The following FAT4 variants were observed in gnomAD, a reference collection of about 807,000 sequenced individuals.
The protein encoded by FAT4 is protocadherin Fat 4.
A neutral mutation model predicts 303.9 loss-of-function variants in FAT4; 84 were observed. The observed-to-expected ratio is 0.28, with a 90% CI of 0.23 to 0.33. FAT4 has a LOEUF of 0.33. Among genes scored for constraint, FAT4 ranks in the 10% least tolerant of loss-of-function variants. The pLI, the probability that FAT4 is intolerant of heterozygous loss-of-function variation, is 1.00. For missense variants in FAT4, 6,005 were observed against 6,146.8 expected, an observed-to-expected ratio of 0.98 and a Z score of 0.77; for synonymous variants, 2,307 against 2,298.8, an observed-to-expected ratio of 1.00 and a Z score of -0.10.
chr4:125,381,624 G>A lies in FAT4; in HGVS notation c.5176-17160G>A, dbSNP rs1314575552. ...TGCTGGTGGAGGATCCTACCTTAAT[G>A]TTGATGGCTGCTGACTGATCAGGGT... is the stretch of plus-strand genomic sequence containing the variant. On this transcript the variant is annotated intron_variant, in intron 2 of 17. Coordinates refer to ENST00000394329, the MANE Select transcript of FAT4 (RefSeq NM_001291303.3). 2.6e-5 allele frequency among the ~76,000 whole-genome samples: 4 copies of A among 152,188 alleles called. No individual in the cohort carries two copies. In the East Asian group the frequency reaches 7.7e-4, roughly 29 times the overall value.
intron 2 of FAT4, among the ~76,000 whole-genome samples, chr4:125,377,752 G>A (rs1331613276): frequency 3.3e-5 from 5 of 151,890 alleles, no homozygotes; most frequent in Admixed American, 1.3e-4. Flanking sequence ...AAAAACCTTG[G>A]CAAACTCTCA....
Position 125,398,820 on chromosome 4 carries a change from C to T in FAT4, c.5212C>T (p.Pro1738Ser). The T allele has an allele frequency of 1.2e-6, 2 of 1,613,180 alleles. No individual in the cohort carries two copies. The highest frequency in any genetic ancestry group is 1.1e-5 in the South Asian group (1 of 91,056). ...ITLQDINDNP[P>S]VFPTDMLDLT... ...ACTTCAGGATATCAATGACAATCCA[C>T]CAGTATTTCCAACGGACATGCTGGA... The change falls in exon 3 of 18, where the codon CCA becomes TCA. Residue 1738 changes from proline (P) to serine (S), a missense_variant. Coordinates refer to ENST00000394329, the MANE Select transcript of FAT4 (RefSeq NM_001291303.3).
intron 2 of FAT4, among the ~76,000 whole-genome samples, chr4:125,347,992 A>G (rs572937938): frequency 6.6e-6 from 1 of 151,910 alleles, no homozygotes; most frequent in Non-Finnish European, 1.5e-5. Context: ...CTCCAGACAC[A>G]ATTTAAATGA....
intron 10 of FAT4, among the ~76,000 whole-genome samples, chr4:125,459,776 C>A (rs143389367): frequency 2.6e-5 from 4 of 152,110 alleles, no homozygotes; most frequent in African/African-American, 9.6e-5. Flanking sequence ...AGTTAATGAT[C>A]CAAGATTTTG....
At chr4:125,459,801 A>G (rs1315068346) in intron 10 of FAT4, among the ~76,000 whole-genome samples, 1 of 152,102 alleles carries the variant, frequency 6.6e-6, no homozygotes, top group Non-Finnish European at 1.5e-5. Context: ...ACAGTGCTTC[A>G]ACACATCAGA....
chr4:125,434,568 T>A, intron 8 of FAT4, 143 bp downstream of exon 8: 2 of 611,072 alleles, frequency 3.3e-6, no homozygotes, highest in Middle Eastern at 4.2e-4. Context: ...TAGCCAACAA[T>A]TCATTAAATG....
chr4:125,423,126 G>A (rs1367545520), intron 7 of FAT4, among the ~76,000 whole-genome samples: 1 of 152,172 alleles, frequency 6.6e-6, no homozygotes, highest in Admixed American at 6.5e-5. Context: ...GCCTGAGATT[G>A]CAATATAAAA....
At chr4:125,409,703 CTTTAT>C (rs1354231928) in intron 5 of FAT4, among the ~76,000 whole-genome samples, 1 of 152,186 alleles carries the variant, frequency 6.6e-6, no homozygotes, top group Non-Finnish European at 1.5e-5. Context: ...AATTGGCAAA[CTTTAT>C]TTTAATAGCT....
At chr4:125,362,314 G>A (rs1732707261) in intron 2 of FAT4, among the ~76,000 whole-genome samples, 2 of 152,078 alleles carry the variant, frequency 1.3e-5, no homozygotes, top group African/African-American at 2.4e-5. Flanking sequence ...TAGATTGAGG[G>A]CAAGCATCAT....
rs1390786120 is a variant in FAT4, at chr4:125,476,324, AAAT to A, written c.12299+72_12299+74del. 12 of 788,484 alleles carry A rather than the reference AAAT, an allele frequency of 1.5e-5. No individual in the cohort carries two copies. The East Asian group carries it at 3.3e-4, about 21-fold the overall frequency. 48.8% of individuals were successfully genotyped at this position (788,484 alleles called of 1,614,324 possible). A position where few individuals can be genotyped will look rare whatever the true frequency, so the allele number is the denominator to read the frequency against. On this transcript the variant is annotated intron_variant, in intron 13 of 17. Transcript: ENST00000394329. ...TTTTTAAAATAAACTTTATACCTAAAAATAATTATAGGATGCTAAGTAGTACAT... is the reference window on the plus strand; with the variant it reads ...TTTTTAAAATAAACTTTATACCTAAAAATTATAGGATGCTAAGTAGTACAT...
intron 8 of FAT4, among the ~76,000 whole-genome samples, chr4:125,444,042 A>C (rs1725746793): frequency 6.6e-6 from 1 of 152,172 alleles, no homozygotes; most frequent in African/African-American, 2.4e-5. Context: ...CTATTTGCTC[A>C]TTCATTTTAA....
At chr4:125,346,505 T>G (rs1732009966) in intron 2 of FAT4, among the ~76,000 whole-genome samples, 1 of 151,898 alleles carries the variant, frequency 6.6e-6, no homozygotes, top group Non-Finnish European at 1.5e-5. Context: ...ATCATAAATT[T>G]CTTAGAGATA....
rs369291378 is a variant in FAT4 at position 125,466,182 on chromosome 4, C to T, written c.11906-2330C>T. On this transcript the variant is annotated intron_variant, in intron 11 of 17. Transcript: ENST00000394329. The stretch of plus-strand genomic sequence containing the variant: ...CATAGTGCTTCAGACATTATAAAGG[C>T]GACATGTATAATTATAACTTCTTAG... Among the ~76,000 whole-genome samples the T allele has an allele frequency of 1.3e-4, 20 of 152,132 alleles. No homozygotes were observed. The East Asian group carries it at 3.1e-3, about 24-fold the overall frequency.
rs75011900 is a variant in FAT4, at chr4:125,477,410, G to T, written c.12479+76G>T. The stretch of plus-strand genomic sequence containing the variant: ...TATGCTTCAGTGAGCATCAAAAGAT[G>T]AAATTATTATGCTCAAATCTCTAAA... On this transcript the variant is annotated intron_variant, in intron 14 of 17. Transcript: ENST00000394329. The T allele has an allele frequency of 4.7e-3, 5,811 of 1,246,922 alleles. 230 individuals are homozygous for T. In the African/African-American group the frequency reaches 0.081, roughly 17 times the overall value. 77.2% of individuals were successfully genotyped at this position (1,246,922 alleles called of 1,614,324 possible).
At chr4:125,458,859 A>G (rs1726385106) in intron 10 of FAT4, among the ~76,000 whole-genome samples, 1 of 151,982 alleles carries the variant, frequency 6.6e-6, no homozygotes, top group Non-Finnish European at 1.5e-5. Context: ...TTCAATGCAA[A>G]AAAGCCATAA....
Position 125,451,366 on chromosome 4 carries a change from T to C in FAT4, c.10356T>C (p.Asn3452=). ...FSYFIGSGNE[N]GAFSINPQTG... ...ACTTCATCGGATCAGGGAATGAAAA[T>C]GGTGCCTTTTCTATTAATCCGCAGA... The change falls in exon 10 of 18, where the codon AAT becomes AAC. Residue 3452 remains asparagine (N), a synonymous_variant. Coordinates refer to ENST00000394329, the MANE Select transcript of FAT4 (RefSeq NM_001291303.3). The C allele has an allele frequency of 6.2e-7, 1 of 1,614,048 alleles. No individual in the cohort carries two copies. Among genetic ancestry groups the C allele is most frequent in the Non-Finnish European group, 8.5e-7 (1 of 1,180,002 alleles).
chr4:125,414,142 T>A (rs1394867703), intron 5 of FAT4, among the ~76,000 whole-genome samples: 3 of 152,036 alleles, frequency 2.0e-5, no homozygotes, highest in African/African-American at 7.2e-5. Flanking sequence ...TAAGATGATG[T>A]ATATGCTCCA....
chr4:125,356,600 T>C (rs1398223889), intron 2 of FAT4, among the ~76,000 whole-genome samples: 5 of 148,918 alleles, frequency 3.4e-5, no homozygotes, highest in Non-Finnish European at 5.9e-5. Flanking sequence ...TTTAGGTATT[T>C]CAGAGTGCCC....
At chr4:125,471,329 GTGCTGATAGACTTGCTGGA>G (rs1726848705) in intron 12 of FAT4, among the ~76,000 whole-genome samples, 1 of 152,152 alleles carries the variant, frequency 6.6e-6, no homozygotes, top group African/African-American at 2.4e-5. Flanking sequence ...TGGAAAAATG[GTGCTGATAGACTTGCTGGA>G]TGCAGGATTA....
Sources: gnomAD v4.1 joint callset for allele counts (sites outside exome capture counted in the v4.1 genomes callset) on GRCh38, gnomAD v4.1.1 for gene constraint, MANE v1.5 for transcripts, NCBI Gene and HGNC (gene_info 2026-07-23, HGNC 2026-07-21) for gene names.